The following ZNF365 variants were observed in gnomAD, a reference collection of about 807,000 sequenced individuals.
The protein encoded by ZNF365 is protein ZNF365.
In ZNF365, 22 loss-of-function variants were observed where a neutral mutation model predicts 35.0. The observed-to-expected ratio is 0.63, with a 90% CI of 0.45 to 0.90. ZNF365 has a LOEUF of 0.90. Ranked by LOEUF, ZNF365 falls within the 40% of genes least tolerant of loss-of-function variation. The probability of loss-of-function intolerance (pLI) is 0.00; values close to 1 mark genes in which losing one functional copy is unlikely to be tolerated. For synonymous variants in ZNF365, 188 were observed against 196.2 expected, an observed-to-expected ratio of 0.96 and a Z score of 0.35; for missense variants, 448 against 500.3, an observed-to-expected ratio of 0.90 and a Z score of 1.00.
At chr10:62,409,826 A>G (rs538664019) in intron 3 of ZNF365, among the ~76,000 whole-genome samples, 1 of 152,156 alleles carries the variant, frequency 6.6e-6, no homozygotes, top group Non-Finnish European at 1.5e-5. Context: ...GGGGTCCTGT[A>G]TAAGCCAGTC....
At chr10:62,475,441 A>T (rs10995171) in intron 4 of ZNF365, among the ~76,000 whole-genome samples, 2,761 of 152,294 alleles carry the variant, frequency 0.018, 54 homozygotes, top group African/African-American at 0.049. Flanking sequence ...AAAATAAAAT[A>T]AAATTAAATT....
intron 3 of ZNF365, among the ~76,000 whole-genome samples, chr10:62,422,994 T>C (rs1269096205): frequency 6.6e-6 from 1 of 152,182 alleles, no homozygotes; most frequent in East Asian, 1.9e-4. Context: ...AAGGAAATAT[T>C]TGGGCCTCTT....
intron 2 of ZNF365, among the ~76,000 whole-genome samples, chr10:62,377,190 T>C (rs545561577): frequency 1.8e-4 from 28 of 152,334 alleles, no homozygotes; most frequent in African/African-American, 5.8e-4. Flanking sequence ...CCACAGACTA[T>C]GCTTTTAGAG....
intron 3 of ZNF365, among the ~76,000 whole-genome samples, chr10:62,446,927 G>A (rs1264558257): frequency 6.6e-6 from 1 of 152,122 alleles, no homozygotes; most frequent in African/African-American, 2.4e-5. Context: ...AAGACAAAAG[G>A]CTGAGATGGC....
downstream of ZNF365, among the ~76,000 whole-genome samples, chr10:62,402,667 A>G (rs1312016477): frequency 1.4e-5 from 1 of 72,984 alleles, no homozygotes; most frequent in East Asian, 4.0e-4. Flanking sequence ...GTTCACACTG[A>G]GACAGCTTCA....
intron 3 of ZNF365, among the ~76,000 whole-genome samples, chr10:62,395,504 ATTTTTTTTTT>A (rs67866839): frequency 1.0e-5 from 1 of 98,466 alleles, no homozygotes; most frequent in East Asian, 3.2e-4. Flanking sequence ...CACCCGGCTA[ATTTTTTTTTT>A]TTTTTTTTTT....
chr10:62,427,117 T>C (rs911636141), intron 3 of ZNF365, among the ~76,000 whole-genome samples: 1 of 152,226 alleles, frequency 6.6e-6, no homozygotes, highest in African/African-American at 2.4e-5. Flanking sequence ...CACATGTTTG[T>C]GGTGATGGTT....
intron 3 of ZNF365, among the ~76,000 whole-genome samples, chr10:62,443,034 C>A (rs1424927343): frequency 6.6e-6 from 1 of 152,182 alleles, no homozygotes; most frequent in African/African-American, 2.4e-5. Flanking sequence ...AGGGCTCAAC[C>A]GGGCTTTGAA....
chr10:62,386,470 T>G (rs752056410), intron 2 of ZNF365, among the ~76,000 whole-genome samples: 2 of 152,176 alleles, frequency 1.3e-5, no homozygotes, highest in South Asian at 4.1e-4. Flanking sequence ...GTTGGGAAAC[T>G]AGAAAAAACA....
intron 3 of ZNF365, among the ~76,000 whole-genome samples, chr10:62,448,248 A>G (rs138694160): frequency 2.6e-5 from 4 of 152,286 alleles, no homozygotes; most frequent in Non-Finnish European, 5.9e-5. Context: ...TCTTAAGGGT[A>G]TATTTGCAGA....
chr10:62,421,004 G>C (rs1840158883), intron 3 of ZNF365, among the ~76,000 whole-genome samples: 1 of 149,850 alleles, frequency 6.7e-6, no homozygotes, highest in Admixed American at 6.6e-5. Flanking sequence ...AACACTGACT[G>C]ATAAACCATT....
In ZNF365 at chr10:62,401,385, A is replaced by G; in HGVS notation, c.*1596A>G. On this transcript the variant is annotated 3_prime_UTR_variant, in exon 5 of 5. Coordinates refer to ENST00000395254, the MANE Select transcript of ZNF365 (RefSeq NM_014951.3). ...AAAATAGGAAATAAAGCAGTTGCTT[A>G]AAATGCCAGTCAATTGAAAAGTGTA... is the stretch of plus-strand genomic sequence containing the variant. The G allele has an allele frequency of 1.0e-6, 1 of 985,566 alleles. No homozygotes were observed. Among genetic ancestry groups the G allele is most frequent in the Non-Finnish European group, 1.2e-6 (1 of 829,914 alleles). The allele number at this position is 985,566 out of a possible 1,614,324, so 61.1% of individuals were successfully genotyped here.
downstream of ZNF365, among the ~76,000 whole-genome samples, chr10:62,405,371 G>T (rs1056491782): frequency 6.6e-6 from 1 of 152,178 alleles, no homozygotes; most frequent in East Asian, 1.9e-4. Flanking sequence ...TGCAATGAGA[G>T]GGGGGCTTAT....
chr10:62,427,210 A>G (rs971900373), intron 3 of ZNF365, among the ~76,000 whole-genome samples: 5 of 152,192 alleles, frequency 3.3e-5, no homozygotes, highest in Non-Finnish European at 7.3e-5. Flanking sequence ...CAGTCACATG[A>G]CACATGATGA....
rs548209684 is a variant in ZNF365, at chr10:62,468,472, A to C, written c.981+8675A>C. ...TTTGAGGCACTAAGAAAGCTTAGACATAAGTTTGTAAAGAGCCCCTATCAG... is the reference window on the plus strand; with the variant it reads ...TTTGAGGCACTAAGAAAGCTTAGACCTAAGTTTGTAAAGAGCCCCTATCAG... On this transcript the variant is annotated intron_variant, in intron 4 of 4. Coordinates refer to the ZNF365 transcript ENST00000395255. Among the ~76,000 whole-genome samples, 4 of 152,230 alleles carry C rather than the reference A, an allele frequency of 2.6e-5. No homozygotes were observed. In the South Asian group the frequency reaches 8.3e-4, roughly 31 times the overall value.
intron 3 of ZNF365, among the ~76,000 whole-genome samples, chr10:62,418,548 A>T (rs1352080360): frequency 1.3e-5 from 2 of 152,018 alleles, no homozygotes; most frequent in African/African-American, 4.8e-5. Flanking sequence ...GCTTTAGGGA[A>T]ATTAACTTTG....
Position 62,453,239 on chromosome 10 carries a change from G to A in ZNF365, c.925-6502G>A, listed in dbSNP as rs376970718. Among the ~76,000 whole-genome samples, 159 of 152,158 alleles carry A rather than the reference G, an allele frequency of 1.0e-3. 2 individuals are homozygous for A. Among genetic ancestry groups the A allele is most frequent in the African/African-American group, 3.7e-3 (152 of 41,518 alleles). On this transcript the variant is annotated intron_variant, in intron 3 of 4. Transcript: ENST00000395255. ...TTTAGGGTATCCATCACCAAATAAC[G>A]CACATTGTGCCCATTAAGTAATTTC...
intron 3 of ZNF365, among the ~76,000 whole-genome samples, chr10:62,426,999 A>T (rs1840259947): frequency 6.6e-6 from 1 of 152,194 alleles, no homozygotes; most frequent in Admixed American, 6.5e-5. Context: ...TCTGTCAATA[A>T]TGGACCACAT....
chr10:62,428,395 A>G (rs957532190), intron 3 of ZNF365, among the ~76,000 whole-genome samples: 2 of 152,100 alleles, frequency 1.3e-5, no homozygotes, highest in Admixed American at 6.5e-5. Context: ...TGCTATTCTC[A>G]TGATAGTGAG....
Sources: allele counts gnomAD v4.1 joint callset (sites outside exome capture counted in the v4.1 genomes callset), GRCh38; gene constraint gnomAD v4.1.1; transcripts MANE v1.5; gene names NCBI Gene and HGNC (gene_info 2026-07-23, HGNC 2026-07-21).